CELF2: variants seen among roughly 807,000 people sequenced by gnomAD.
The protein encoded by CELF2 is CUG triplet repeat RNA-binding protein 2.
Under a neutral mutation model 62.6 loss-of-function variants are expected in CELF2, and 8 were observed. The ratio of observed to expected loss-of-function variants is 0.13; its 90% CI spans 0.07 to 0.23. The LOEUF is 0.23. Among genes scored for constraint, CELF2 ranks in the 10% least tolerant of loss-of-function variants. The pLI is 1.00. For missense variants in CELF2, 333 were observed against 671.0 expected (o/e 0.50, Z 5.56); for synonymous variants, 258 against 250.0 (o/e 1.03, Z -0.30).
chr10:11,001,739 G>A (rs190506546), upstream of CELF2, among the ~76,000 whole-genome samples: 74 of 151,752 alleles, frequency 4.9e-4, no homozygotes, highest in Middle Eastern at 0.01. Context: ...GAGGGCATCC[G>A]AACAATCTAA....
Position 11,145,606 on chromosome 10 carries a change from G to A in CELF2, c.75-19880G>A, listed in dbSNP as rs1005874731. On this transcript the variant is annotated intron_variant, in intron 1 of 12. Transcript: ENST00000633077. This position sits in a 1 kb window ranked among gnomAD's most constrained non-coding sequence, Gnocchi z 4.3. ...ACGCTGAAGGCAGGAAGTGGAGAGCGGAAGTGAGCTGTGGGTGACTGCAGA... is the reference window on the plus strand; with the variant it reads ...ACGCTGAAGGCAGGAAGTGGAGAGCAGAAGTGAGCTGTGGGTGACTGCAGA... Among the ~76,000 whole-genome samples, 4 of 152,202 alleles carry A rather than the reference G, an allele frequency of 2.6e-5. No individual in the cohort carries two copies. The highest frequency in any genetic ancestry group is 1.9e-4 in the East Asian group (1 of 5,196).
In CELF2 at chr10:11,329,108, C is replaced by T. The variant is rs1006960424; in HGVS notation, c.*55C>T. 5.9e-6 allele frequency: 9 copies of T among 1,535,624 alleles called. No homozygotes were observed. The highest frequency in any genetic ancestry group is 2.4e-5 in the East Asian group (1 of 42,374). On this transcript the variant is annotated 3_prime_UTR_variant, in exon 13 of 13. Transcript: ENST00000633077. This position sits in a 1 kb window ranked among gnomAD's most constrained non-coding sequence, Gnocchi z 5.5. The stretch of plus-strand genomic sequence containing the variant: ...TTTAGCTTTCTTAGGGTAAGTCCCA[C>T]GAGCCAGCCTGTCTCAACAGGGAAG...
chr10:10,873,444 G>T (rs1399016274), intron 1 of CELF2, among the ~76,000 whole-genome samples: 1 of 152,110 alleles, frequency 6.6e-6, no homozygotes, highest in African/African-American at 2.4e-5. Flanking sequence ...AGCAAACAGG[G>T]TTTCTTTAGT....
rs2056527070 is a variant in CELF2 at position 11,011,897 on chromosome 10, A to T, written c.53+6457A>T. On this transcript the variant is annotated intron_variant, in intron 1 of 12. Transcript: ENST00000416382. This position sits in a 1 kb window ranked among gnomAD's most constrained non-coding sequence, Gnocchi z 4.6. ...TTGAACCATATTATAGGGAAAAAATAAATTTCCTGTGCTCAAAACCTTAAT... is the reference window on the plus strand; with the variant it reads ...TTGAACCATATTATAGGGAAAAAATTAATTTCCTGTGCTCAAAACCTTAAT... Among the ~76,000 whole-genome samples the T allele has an allele frequency of 6.6e-6, 1 of 152,232 alleles. No homozygotes were observed. The highest frequency in any genetic ancestry group is 6.5e-5 in the Admixed American group (1 of 15,284).
chr10:10,878,241 C>T (rs1484984527), intron 1 of CELF2, among the ~76,000 whole-genome samples: 1 of 152,122 alleles, frequency 6.6e-6, no homozygotes, highest in Non-Finnish European at 1.5e-5. Flanking sequence ...ATATTGATTC[C>T]AGTGTCAACT....
At chr10:10,618,723 G>A in the CELF2 span, among the ~76,000 whole-genome samples, 4 of 151,998 alleles carry the variant, frequency 2.6e-5, no homozygotes, top group Non-Finnish European at 4.4e-5. Context: ...GTTGCCTCAC[G>A]CCAAGGAAAT....
At chr10:10,866,404 G>A (rs1381933902) in intron 1 of CELF2, among the ~76,000 whole-genome samples, 5 of 151,824 alleles carry the variant, frequency 3.3e-5, no homozygotes, top group African/African-American at 1.2e-4. Context: ...CCAGGAGTTT[G>A]AGACCAGCCT....
rs372270311 is a variant in CELF2 at position 11,322,056 on chromosome 10, G to C, written c.1294+670G>C. ...ATTCCCAGGGACCTCCCTCTCCCAAGTCAGCACAGACCATCACCTTTTCCC... is the reference window on the plus strand; with the variant it reads ...ATTCCCAGGGACCTCCCTCTCCCAACTCAGCACAGACCATCACCTTTTCCC... On this transcript the variant is annotated intron_variant, in intron 11 of 12. Transcript: ENST00000633077. 3.3e-5 allele frequency among the ~76,000 whole-genome samples: 5 copies of C among 152,202 alleles called. No homozygotes were observed. The East Asian group carries it at 9.6e-4, about 29-fold the overall frequency.
chr10:10,760,264 C>T, the CELF2 span, among the ~76,000 whole-genome samples: 1 of 152,084 alleles, frequency 6.6e-6, no homozygotes, highest in Non-Finnish European at 1.5e-5. Flanking sequence ...ACATCTAGAC[C>T]TCTCTGTCCT....
intron 2 of CELF2, among the ~76,000 whole-genome samples, chr10:10,998,591 C>T (rs1044451169): frequency 6.6e-6 from 1 of 152,086 alleles, no homozygotes; most frequent in African/African-American, 2.4e-5. Context: ...GAGGATAGAA[C>T]TCGTAAGAGT....
the CELF2 span, among the ~76,000 whole-genome samples, chr10:10,715,518 GA>G: frequency 6.6e-6 from 1 of 151,994 alleles, no homozygotes. Flanking sequence ...ATAATTAAAA[GA>G]AAAAACTTAA....
chr10:10,679,132 T>C, the CELF2 span, among the ~76,000 whole-genome samples: 1 of 152,222 alleles, frequency 6.6e-6, no homozygotes, highest in Non-Finnish European at 1.5e-5. Context: ...ACTTGTTTAT[T>C]TATAAGCTGG....
chr10:10,811,469 C>A (rs927189947), intron 1 of CELF2, among the ~76,000 whole-genome samples: 4 of 152,078 alleles, frequency 2.6e-5, no homozygotes, highest in African/African-American at 7.2e-5. Context: ...ACTCAGTTCT[C>A]CCACAGAGAT....
rs146377286 is a variant in CELF2 at position 10,977,310 on chromosome 10, T to G, written c.89+57311T>G. Among the ~76,000 whole-genome samples the G allele has an allele frequency of 8.3e-4, 126 of 152,322 alleles. 2 individuals carry two copies. The highest frequency in any genetic ancestry group is 2.1e-3 in the South Asian group (10 of 4,824). On this transcript the variant is annotated intron_variant, in intron 2 of 13. Coordinates refer to the CELF2 transcript ENST00000636488. ...CAGAGGTGTTTACACAGACACTTAG[T>G]GATGCTGCAGGTCCACGATGTTTGC...
chr10:11,151,071 C>G (rs2063248045), intron 1 of CELF2, among the ~76,000 whole-genome samples: 1 of 152,182 alleles, frequency 6.6e-6, no homozygotes, highest in Admixed American at 6.5e-5. Flanking sequence ...ATTGGTTAGA[C>G]TTGTTGGTGA....
At chr10:11,033,023 T>C (rs1327602065) in intron 1 of CELF2, among the ~76,000 whole-genome samples, 2 of 152,228 alleles carry the variant, frequency 1.3e-5, no homozygotes, top group Non-Finnish European at 2.9e-5. Flanking sequence ...AAAATAACTT[T>C]GGGGTCCAGG....
At chr10:10,773,196 C>A in the CELF2 span, among the ~76,000 whole-genome samples, 1 of 152,142 alleles carries the variant, frequency 6.6e-6, no homozygotes, top group Non-Finnish European at 1.5e-5. Context: ...TAACCCCCCA[C>A]CTTTTATATT....
At chr10:10,505,656 A>T in the CELF2 span, among the ~76,000 whole-genome samples, 1 of 152,172 alleles carries the variant, frequency 6.6e-6, no homozygotes, top group Non-Finnish European at 1.5e-5. Flanking sequence ...TGGTGAGGGT[A>T]AAATTCTAGG....
At chr10:10,553,023 A>G in the CELF2 span, among the ~76,000 whole-genome samples, 1 of 152,112 alleles carries the variant, frequency 6.6e-6, no homozygotes, top group South Asian at 2.1e-4. Context: ...GGTGCCTTGT[A>G]TGTCTGTTCT....
Sources: allele counts gnomAD v4.1 joint callset (sites outside exome capture counted in the v4.1 genomes callset), GRCh38; gene constraint gnomAD v4.1.1; non-coding constraint Gnocchi (gnomAD v3.1); transcripts MANE v1.5; gene names NCBI Gene and HGNC (gene_info 2026-07-23, HGNC 2026-07-21).